TMEM248: variants seen among roughly 807,000 people sequenced by gnomAD.
TMEM248 encodes UPF0458 protein C7orf42.
TMEM248 carries 9 observed loss-of-function variants against 30.3 expected under a neutral mutation model. That is an observed-to-expected ratio of 0.30 (90% confidence interval 0.18 to 0.52). The LOEUF is 0.52. Ranked by LOEUF, TMEM248 falls within the 20% of genes least tolerant of loss-of-function variation. The pLI is 0.97. For missense variants in TMEM248, 338 were observed against 403.3 expected, an observed-to-expected ratio of 0.84 and a Z score of 1.39; for synonymous variants, 184 against 154.4, an observed-to-expected ratio of 1.19 and a Z score of -1.42.
chr7:66,932,494 C>G (rs1380690794), intron 1 of TMEM248, among the ~76,000 whole-genome samples: 1 of 151,878 alleles, frequency 6.6e-6, no homozygotes, highest in African/African-American at 2.4e-5. Context: ...GAGGATTGTG[C>G]AGAGCACAGT....
At chr7:66,926,806 A>G (rs569947454) in intron 1 of TMEM248, among the ~76,000 whole-genome samples, 6 of 152,322 alleles carry the variant, frequency 3.9e-5, no homozygotes, top group African/African-American at 1.4e-4. Flanking sequence ...TGTACGAATC[A>G]AATACATTTG....
At chr7:66,955,156 G>A (rs530556836) in intron 6 of TMEM248, among the ~76,000 whole-genome samples, 1 of 152,208 alleles carries the variant, frequency 6.6e-6, no homozygotes, top group South Asian at 2.1e-4. Context: ...CCAGCTACTG[G>A]GGAGGTTGAG....
rs183094089 is a variant in TMEM248, at chr7:66,949,331, A to G, written c.596+637A>G. Among the ~76,000 whole-genome samples, 8 of 152,190 alleles carry G rather than the reference A, an allele frequency of 5.3e-5. No individual in the cohort carries two copies. In the East Asian group the frequency reaches 1.4e-3, roughly 26 times the overall value. ...GTGAAACCCCATCTCTACTAAAAAT[A>G]TAAAAATTAGCCAGGCATGATGGCA... On this transcript the variant is annotated intron_variant, in intron 4 of 6. Transcript: ENST00000341567.
chr7:66,952,483 C>G (rs1792291801), intron 5 of TMEM248, among the ~76,000 whole-genome samples: 1 of 152,220 alleles, frequency 6.6e-6, no homozygotes, highest in Non-Finnish European at 1.5e-5. Context: ...AGGGCAGTCC[C>G]TGCCTGTGTT....
chr7:66,940,366 C>T (rs1231404178), intron 1 of TMEM248, among the ~76,000 whole-genome samples: 1 of 152,172 alleles, frequency 6.6e-6, no homozygotes, highest in Non-Finnish European at 1.5e-5. Context: ...GCATTAAATA[C>T]TTATGAATAA....
intron 1 of TMEM248, among the ~76,000 whole-genome samples, chr7:66,929,998 A>G (rs539718528): frequency 6.6e-6 from 1 of 152,132 alleles, no homozygotes; most frequent in African/African-American, 2.4e-5. Context: ...CATCTCTACA[A>G]AAAATACAAA....
chr7:66,931,737 C>G (rs1791671144), intron 1 of TMEM248, among the ~76,000 whole-genome samples: 1 of 150,720 alleles, frequency 6.6e-6, no homozygotes, highest in South Asian at 2.1e-4. Context: ...CTCAGCCTCC[C>G]AAAGTGCTGG....
At position 66,946,793 on chromosome 7, in the gene TMEM248, G is replaced by A. The variant is rs190352496; in HGVS notation, c.445+1532G>A. The stretch of plus-strand genomic sequence containing the variant: ...TTTGACCAGTACTAAACCCATGACA[G>A]ACTGTAAGTGTTGCAGGAGAAGGGC... On this transcript the variant is annotated intron_variant, in intron 3 of 6. Transcript: ENST00000341567. Among the ~76,000 whole-genome samples the A allele has an allele frequency of 6.0e-3, 912 of 152,328 alleles. 4 individuals carry two copies. Among genetic ancestry groups the A allele is most frequent in the Non-Finnish European group, 0.01 (700 of 68,024 alleles).
At chr7:66,928,538 G>T (rs1791581784) in intron 1 of TMEM248, among the ~76,000 whole-genome samples, 1 of 152,152 alleles carries the variant, frequency 6.6e-6, no homozygotes, top group African/African-American at 2.4e-5. Flanking sequence ...CTATCTAGCA[G>T]TGTTGCAAGG....
rs537250418 is a variant in TMEM248 at position 66,945,482 on chromosome 7, CTG to C, written c.445+224_445+225del. On this transcript the variant is annotated intron_variant, in intron 3 of 6. Transcript: ENST00000341567. The stretch of plus-strand genomic sequence containing the variant: ...CTCAAAAGCCTGTAGGAATGAGAAA[CTG>C]TGAGAAAACTGTTAAGGCCTGTCTA... 1.3e-4 allele frequency among the ~76,000 whole-genome samples: 20 copies of C among 152,304 alleles called. 1 individual carries two copies. The highest frequency in any genetic ancestry group is 4.3e-4 in the African/African-American group (18 of 41,568).
Position 66,957,675 on chromosome 7 carries a change from A to C in TMEM248, c.*2153A>C, listed in dbSNP as rs1354051073. 2.6e-5 allele frequency: 4 copies of C among 152,176 alleles called. No homozygotes were observed. Among genetic ancestry groups the C allele is most frequent in the Non-Finnish European group, 5.9e-5 (4 of 68,038 alleles). 9.4% of individuals were successfully genotyped at this position (152,176 alleles called of 1,614,324 possible). A position where few individuals can be genotyped will look rare whatever the true frequency, so the allele number is the denominator to read the frequency against. On this transcript the variant is annotated 3_prime_UTR_variant, in exon 7 of 7. Transcript: ENST00000341567. ...AGCTGGCAGAGTGGTATCAAAGGAG[A>C]AAAACAGTGAAAAAGCCAATTTCAC...
chr7:66,948,892 C>G (rs1360642218), intron 4 of TMEM248, among the ~76,000 whole-genome samples, 198 bp downstream of exon 4: 1 of 152,186 alleles, frequency 6.6e-6, no homozygotes, highest in Admixed American at 6.5e-5. Context: ...GATAGAACTT[C>G]TGCATATAAA....
Position 66,955,676 on chromosome 7 carries a change from C to T in TMEM248, c.*154C>T. The T allele has an allele frequency of 1.1e-6, 1 of 921,078 alleles. No homozygotes were observed. Among genetic ancestry groups the T allele is most frequent in the African/African-American group, 1.7e-5 (1 of 59,680 alleles). 57.1% of individuals were successfully genotyped at this position (921,078 alleles called of 1,614,324 possible). A position where few individuals can be genotyped will look rare whatever the true frequency, so the allele number is the denominator to read the frequency against. On this transcript the variant is annotated 3_prime_UTR_variant, in exon 7 of 7. Transcript: ENST00000341567. ...TTCAAGTGCCTGTAACTGATTTGTACATATTTATAAAAATCTATTCAGAAA... is the reference window on the plus strand; with the variant it reads ...TTCAAGTGCCTGTAACTGATTTGTATATATTTATAAAAATCTATTCAGAAA...
intron 2 of TMEM248, among the ~76,000 whole-genome samples, chr7:66,943,763 C>G (rs1210818769): frequency 6.6e-6 from 1 of 151,232 alleles, no homozygotes; most frequent in Non-Finnish European, 1.5e-5. Context: ...TAAGGGTAGA[C>G]TTACTGGGCT....
At chr7:66,932,902 C>T (rs1341129747) in intron 1 of TMEM248, among the ~76,000 whole-genome samples, 1 of 148,864 alleles carries the variant, frequency 6.7e-6, no homozygotes, top group Admixed American at 6.7e-5. Flanking sequence ...AGTCTCACTC[C>T]ATCACCCAGG....
chr7:66,922,088 C>G (rs1258980956), intron 1 of TMEM248: 2 of 152,348 alleles, frequency 1.3e-5, no homozygotes, highest in East Asian at 3.9e-4. Context: ...ACCCATCGGA[C>G]AGCTGGTGAG....
intron 4 of TMEM248, among the ~76,000 whole-genome samples, chr7:66,949,486 TAAAAC>T (rs761344726): frequency 4.7e-4 from 72 of 152,168 alleles, no homozygotes; most frequent in Non-Finnish European, 8.8e-4. Flanking sequence ...ATAAATCAAA[TAAAAC>T]AAAGATAAAG....
At chr7:66,942,078 A>G (rs1240107568) in intron 2 of TMEM248, 54 bp downstream of exon 2, 3 of 1,575,736 alleles carry the variant, frequency 1.9e-6, no homozygotes, top group Non-Finnish European at 1.7e-6. Flanking sequence ...CAGTGGGGCA[A>G]CACCCTGTGG....
intron 4 of TMEM248, 23 bp from the exon 5 acceptor site, chr7:66,950,929 T>TTCC (rs755033216): frequency 6.5e-7 from 1 of 1,532,924 alleles, no homozygotes; most frequent in East Asian, 2.4e-5. Flanking sequence ...GCACGTGTCT[T>TTCC]TCCTCCTCCT....
Sources: allele counts gnomAD v4.1 joint callset (sites outside exome capture counted in the v4.1 genomes callset), GRCh38; gene constraint gnomAD v4.1.1; transcripts MANE v1.5; gene names NCBI Gene and HGNC (gene_info 2026-07-23, HGNC 2026-07-21).